ARHGAP35: variants seen among roughly 807,000 people sequenced by gnomAD.
ARHGAP35 encodes the protein rho GTPase-activating protein 35.
In ARHGAP35, 15 loss-of-function variants were observed where a neutral mutation model predicts 111.1. The observed-to-expected ratio is 0.13, with a 90% CI of 0.09 to 0.21. The LOEUF (loss-of-function observed/expected upper bound fraction) is 0.21. Among genes scored for constraint, ARHGAP35 ranks in the 10% least tolerant of loss-of-function variants. The probability of loss-of-function intolerance (pLI) is 1.00; values close to 1 mark genes in which losing one functional copy is unlikely to be tolerated. For synonymous variants in ARHGAP35, 643 were observed against 710.3 expected (o/e 0.91, Z 1.51); for missense variants, 1,262 against 1,873.0 (o/e 0.67, Z 6.02).
At position 46,986,063 on chromosome 19, in the gene ARHGAP35, A is replaced by G. The variant is rs1450450030; in HGVS notation, c.3827-1926A>G. Among the ~76,000 whole-genome samples, 1 of 152,212 alleles carries G rather than the reference A, an allele frequency of 6.6e-6. No individual in the cohort carries two copies. The highest frequency in any genetic ancestry group is 1.5e-5 in the Non-Finnish European group (1 of 68,030). On this transcript the variant is annotated intron_variant, in intron 3 of 6. Coordinates refer to ENST00000672722, the MANE Select transcript of ARHGAP35 (RefSeq NM_004491.5). The surrounding 1 kb of genome is among the most constrained non-coding windows in gnomAD (Gnocchi z 4.3). ...TCTGTTGTCCAGGGGCAGCACCCAC[A>G]GTGCTTCCTCTGTGCACCTTCAGCA...
At chr19:46,874,483 T>C (rs1157952670) in intron 1 of ARHGAP35, among the ~76,000 whole-genome samples, 2 of 150,476 alleles carry the variant, frequency 1.3e-5, no homozygotes, top group Non-Finnish European at 3.0e-5. Context: ...CGATCCAAGC[T>C]CATGTTTTAT....
intron 3 of ARHGAP35, among the ~76,000 whole-genome samples, chr19:46,952,666 T>TTGTTG (rs1452455351): frequency 2.0e-5 from 3 of 152,146 alleles, no homozygotes; most frequent in Non-Finnish European, 2.9e-5. Context: ...TGTTTTTGTT[T>TTGTTG]TGTTGTGTTG....
At chr19:46,965,725 C>T (rs1421406016) in intron 3 of ARHGAP35, among the ~76,000 whole-genome samples, 1 of 152,060 alleles carries the variant, frequency 6.6e-6, no homozygotes, top group Non-Finnish European at 1.5e-5. Flanking sequence ...GCTCAAGTGA[C>T]TCTCCTGCCT....
In ARHGAP35 at chr19:46,999,254, C is replaced by A. The variant is rs1439985033; in HGVS notation, c.4037-50C>A. ...CATCACAGAGCACGCCCTGGGGTGG[C>A]CACCAGCCTCGGCCATGAAAGGCAA... On this transcript the variant is annotated intron_variant, in intron 5 of 6. Coordinates refer to ENST00000672722, the MANE Select transcript of ARHGAP35 (RefSeq NM_004491.5). The surrounding 1 kb of genome is among the most constrained non-coding windows in gnomAD (Gnocchi z 5.4). 7.3e-7 allele frequency: 1 copy of A among 1,371,302 alleles called. No homozygotes were observed. Among genetic ancestry groups the A allele is most frequent in the Non-Finnish European group, 1.0e-6 (1 of 983,298 alleles). The allele number at this position is 1,371,302 out of a possible 1,614,324, so 84.9% of individuals were successfully genotyped here.
chr19:46,862,590 T>C (rs767429939), intron 1 of ARHGAP35, among the ~76,000 whole-genome samples: 26 of 152,198 alleles, frequency 1.7e-4, no homozygotes, highest in Non-Finnish European at 2.6e-4. Context: ...TTCTCGTTTT[T>C]TTCAATTCTG....
intron 3 of ARHGAP35, among the ~76,000 whole-genome samples, chr19:46,955,629 C>G (rs544321402): frequency 1.3e-5 from 2 of 152,208 alleles, no homozygotes; most frequent in African/African-American, 4.8e-5. Flanking sequence ...TTTCCATCAC[C>G]CGGGCTGGAG....
chr19:46,875,788 A>G (rs975568669), intron 1 of ARHGAP35, among the ~76,000 whole-genome samples: 2 of 152,146 alleles, frequency 1.3e-5, no homozygotes, highest in African/African-American at 4.8e-5. Context: ...AGGCGGCGTG[A>G]TGAAATTTTG....
At position 46,945,857 on chromosome 19, in the gene ARHGAP35, G is replaced by A. The variant is rs1343738803; in HGVS notation, c.3826+8449G>A. 2.0e-5 allele frequency among the ~76,000 whole-genome samples: 3 copies of A among 152,166 alleles called. No individual in the cohort carries two copies. Among genetic ancestry groups the A allele is most frequent in the Non-Finnish European group, 4.4e-5 (3 of 68,040 alleles). Reference sequence around the variant, plus strand: ...CTTTTGGCAGTGTGAGAGGAGGCATGGCAACAGTGAGGAAATGATTTCCCT... The same window carrying A: ...CTTTTGGCAGTGTGAGAGGAGGCATAGCAACAGTGAGGAAATGATTTCCCT... On this transcript the variant is annotated intron_variant, in intron 3 of 6. Coordinates refer to ENST00000672722, the MANE Select transcript of ARHGAP35 (RefSeq NM_004491.5). This position sits in a 1 kb window ranked among gnomAD's most constrained non-coding sequence, Gnocchi z 4.1.
intron 1 of ARHGAP35, among the ~76,000 whole-genome samples, chr19:46,907,723 C>T (rs1277492985): frequency 2.0e-5 from 3 of 152,022 alleles, no homozygotes; most frequent in African/African-American, 4.8e-5. Context: ...GTGATCCGCC[C>T]GCCTCTGCCT....
Position 46,999,319 on chromosome 19 carries a change from A to G in ARHGAP35, c.4052A>G (p.Glu1351Gly), listed in dbSNP as rs892069216. ...CTCTCCTCAGAAATCAACGACCGGG[A>G]GCAGAAGTTGCATGCCCTTAAGGAG... Reference protein sequence around the residue: ...LVEAHKINDREQKLHALKEVL... With the variant: ...LVEAHKINDRGQKLHALKEVL... The change falls in exon 6 of 7, where the codon GAG becomes GGG. Residue 1351 changes from glutamate (E) to glycine (G), a missense_variant. This residue lies in a region of ARHGAP35 where 50 missense variants were observed against 60.5 expected (regional missense o/e 0.83). Transcript: ENST00000672722. The surrounding 1 kb of genome is among the most constrained non-coding windows in gnomAD (Gnocchi z 5.4). The G allele has an allele frequency of 1.3e-6, 2 of 1,588,706 alleles. No individual in the cohort carries two copies. The highest frequency in any genetic ancestry group is 1.8e-5 in the Admixed American group (1 of 55,770).
At chr19:46,998,199 C>A (rs961000463) in intron 5 of ARHGAP35, among the ~76,000 whole-genome samples, 1 of 152,154 alleles carries the variant, frequency 6.6e-6, no homozygotes, top group Non-Finnish European at 1.5e-5. Flanking sequence ...TGTCTCCGGC[C>A]GAGACGGTCT....
intron 3 of ARHGAP35, among the ~76,000 whole-genome samples, chr19:46,978,787 G>A (rs377086216): frequency 7.5e-6 from 1 of 133,560 alleles, no homozygotes; most frequent in South Asian, 2.5e-4. Context: ...AATGTGTCTG[G>A]TGTGTGTGGT....
intron 3 of ARHGAP35, among the ~76,000 whole-genome samples, chr19:46,965,470 GTT>G (rs2056509421): frequency 1.6e-5 from 1 of 60,730 alleles, no homozygotes; most frequent in Non-Finnish European, 3.5e-5. Context: ...TGGGTTTTTT[GTT>G]TGTTTGTTTG....
chr19:46,909,635 T>C (rs1370460536), intron 1 of ARHGAP35, among the ~76,000 whole-genome samples: 1 of 152,160 alleles, frequency 6.6e-6, no homozygotes, highest in Non-Finnish European at 1.5e-5. Flanking sequence ...TCCTCTCACA[T>C]TGGGTAGGAG....
At chr19:46,886,475 C>T (rs2055993894) in intron 1 of ARHGAP35, among the ~76,000 whole-genome samples, 1 of 151,742 alleles carries the variant, frequency 6.6e-6, no homozygotes, top group African/African-American at 2.4e-5. Context: ...CTTTCACTAG[C>T]TGAAATACAA....
chr19:46,901,787 C>T lies in ARHGAP35; in HGVS notation c.-188-16701C>T, dbSNP rs939213166. Among the ~76,000 whole-genome samples the T allele has an allele frequency of 3.9e-5, 6 of 152,246 alleles. No individual in the cohort carries two copies. The highest frequency in any genetic ancestry group is 1.4e-4 in the African/African-American group (6 of 41,548). ...TTGCATGCACTTAGGTTATCATTAG[C>T]CCCTAGAGACTTACCTGTCTCCTTG... On this transcript the variant is annotated intron_variant, in intron 1 of 6. Coordinates refer to ENST00000672722, the MANE Select transcript of ARHGAP35 (RefSeq NM_004491.5). The surrounding 1 kb of genome is among the most constrained non-coding windows in gnomAD (Gnocchi z 4.5).
intron 1 of ARHGAP35, among the ~76,000 whole-genome samples, chr19:46,914,248 C>T (rs1302614185): frequency 6.6e-6 from 1 of 152,138 alleles, no homozygotes; most frequent in Admixed American, 6.5e-5. Flanking sequence ...TTAACCACTT[C>T]CATGCCAGCT....
intron 1 of ARHGAP35, among the ~76,000 whole-genome samples, chr19:46,877,352 C>G (rs1265943370): frequency 6.6e-6 from 1 of 151,532 alleles, no homozygotes; most frequent in Admixed American, 6.6e-5. Context: ...CACCTAAGGT[C>G]AGGAGTTCGA....
Position 47,000,243 on chromosome 19 carries a change from G to A in ARHGAP35, c.4143-88G>A. On this transcript the variant is annotated intron_variant, in intron 6 of 6. Transcript: ENST00000672722. The surrounding 1 kb of genome is among the most constrained non-coding windows in gnomAD (Gnocchi z 6.9). ...GCTCCACCTGAGGGAAGAAAGGTGG[G>A]CTCAGCCTGGGTGCTGAAGACCATG... is the stretch of plus-strand genomic sequence containing the variant. 2 of 1,371,222 alleles carry A rather than the reference G, an allele frequency of 1.5e-6. No individual in the cohort carries two copies. The highest frequency in any genetic ancestry group is 1.0e-6 in the Non-Finnish European group (1 of 994,754). 84.9% of individuals were successfully genotyped at this position (1,371,222 alleles called of 1,614,324 possible).
Sources: allele counts gnomAD v4.1 joint callset (sites outside exome capture counted in the v4.1 genomes callset), GRCh38; gene constraint gnomAD v4.1.1; regional missense constraint gnomAD v4.1.1; non-coding constraint Gnocchi (gnomAD v3.1); transcripts MANE v1.5; gene names NCBI Gene and HGNC (gene_info 2026-07-23, HGNC 2026-07-21).